The following DOK6 variants were observed in gnomAD, a reference collection of about 807,000 sequenced individuals.
The protein encoded by DOK6 is downstream of tyrosine kinase 6.
A neutral mutation model predicts 44.0 loss-of-function variants in DOK6; 22 were observed. The observed-to-expected ratio is 0.50, with a 90% CI of 0.36 to 0.71. The LOEUF (loss-of-function observed/expected upper bound fraction) is 0.71, where lower values mean the gene tolerates loss of function less well. Among genes scored for constraint, DOK6 ranks in the 30% least tolerant of loss-of-function variants. The pLI is 0.00. For missense variants in DOK6, 340 were observed against 416.4 expected (o/e 0.82, Z 1.60); for synonymous variants, 166 against 145.5 (o/e 1.14, Z -1.01).
intron 1 of DOK6, among the ~76,000 whole-genome samples, chr18:69,531,244 T>C (rs1981977468): frequency 6.8e-6 from 1 of 147,326 alleles, no homozygotes; most frequent in African/African-American, 2.5e-5. Flanking sequence ...TAAGTATATA[T>C]ATAATATATA....
At chr18:69,629,595 TA>T in intron 3 of DOK6, among the ~76,000 whole-genome samples, 1 of 152,206 alleles carries the variant, frequency 6.6e-6, no homozygotes, top group East Asian at 1.9e-4. Context: ...ACTGAGGAAC[TA>T]GTTAATAGAA....
In DOK6 at chr18:69,484,889, G is replaced by C. The variant is rs182381176; in HGVS notation, c.67-79598G>C. Among the ~76,000 whole-genome samples, 58 of 152,160 alleles carry C rather than the reference G, an allele frequency of 3.8e-4. 1 individual carries two copies. The highest frequency in any genetic ancestry group is 3.6e-3 in the Admixed American group (55 of 15,260). ...ATGTGGAAATCATGACTAATAAATA[G>C]AACTCTGGAAAAGACACTTGTTTAT... is the stretch of plus-strand genomic sequence containing the variant. On this transcript the variant is annotated intron_variant, in intron 1 of 7. Coordinates refer to ENST00000382713, the MANE Select transcript of DOK6 (RefSeq NM_152721.6).
intron 5 of DOK6, among the ~76,000 whole-genome samples, chr18:69,713,144 A>G (rs1047497360): frequency 1.3e-5 from 2 of 152,192 alleles, no homozygotes; most frequent in African/African-American, 2.4e-5. Flanking sequence ...ATCCCTAGCC[A>G]GTTGAATGAG....
intron 4 of DOK6, among the ~76,000 whole-genome samples, chr18:69,678,545 A>C: frequency 6.6e-6 from 1 of 152,312 alleles, no homozygotes; most frequent in Non-Finnish European, 1.5e-5. Flanking sequence ...ATTACAAGGA[A>C]GAAAGTAATG....
chr18:69,825,007 AC>A (rs1417811411), intron 7 of DOK6, among the ~76,000 whole-genome samples: 2 of 152,190 alleles, frequency 1.3e-5, no homozygotes, highest in Non-Finnish European at 2.9e-5. Context: ...ATGCTTATCT[AC>A]TTCCTTATTT....
chr18:69,840,525 C>T (rs1429547684), intron 7 of DOK6, among the ~76,000 whole-genome samples: 5 of 152,188 alleles, frequency 3.3e-5, no homozygotes, highest in South Asian at 2.1e-4. Context: ...CTTCTGTTTT[C>T]GGTTTGCGAT....
intron 2 of DOK6, among the ~76,000 whole-genome samples, chr18:69,590,415 GA>G (rs1400868376): frequency 6.6e-6 from 1 of 152,120 alleles, no homozygotes; most frequent in Non-Finnish European, 1.5e-5. Flanking sequence ...TAGTTTGATA[GA>G]AATATGCGAG....
intron 7 of DOK6, among the ~76,000 whole-genome samples, chr18:69,828,963 A>G (rs1465388753): frequency 6.9e-6 from 1 of 144,616 alleles, no homozygotes. Flanking sequence ...TTATAAATTA[A>G]CATTTGGGTA....
intron 1 of DOK6, among the ~76,000 whole-genome samples, chr18:69,443,002 T>TAAAA (rs1442916898): frequency 2.0e-4 from 31 of 152,210 alleles, no homozygotes; most frequent in Non-Finnish European, 3.8e-4. Flanking sequence ...GAATGTTGCT[T>TAAAA]CACACTCATT....
chr18:69,410,293 C>A (rs918750147), intron 1 of DOK6, among the ~76,000 whole-genome samples: 4 of 152,242 alleles, frequency 2.6e-5, no homozygotes, highest in African/African-American at 9.6e-5. Flanking sequence ...TCCGCCTGGG[C>A]GTTCCTCACT....
chr18:69,448,823 A>T lies in DOK6; in HGVS notation c.66+47513A>T, dbSNP rs1032471655. Among the ~76,000 whole-genome samples the T allele has an allele frequency of 4.6e-5, 7 of 152,252 alleles. No individual in the cohort carries two copies. In the East Asian group the frequency reaches 7.7e-4, roughly 17 times the overall value. On this transcript the variant is annotated intron_variant, in intron 1 of 7. Transcript: ENST00000382713. ...TGACATATTTACTATTTATTCTACC[A>T]ATACTGAGTGCCATGTATATATTTG...
chr18:69,822,168 C>T lies in DOK6; in HGVS notation c.857-19076C>T, dbSNP rs143380721. Among the ~76,000 whole-genome samples, 14 of 152,260 alleles carry T rather than the reference C, an allele frequency of 9.2e-5. No homozygotes were observed. The East Asian group carries it at 2.7e-3, about 29-fold the overall frequency. ...GGCACTGAAACTTAGCAGAGTCTTA[C>T]TGAATAATGGGTAAATGTCAGATCC... On this transcript the variant is annotated intron_variant, in intron 7 of 7. Transcript: ENST00000382713.
chr18:69,441,867 G>A (rs1162290107), intron 1 of DOK6, among the ~76,000 whole-genome samples: 1 of 152,068 alleles, frequency 6.6e-6, no homozygotes, highest in Non-Finnish European at 1.5e-5. Context: ...AATGCCTTAA[G>A]GAGGAGACAA....
At position 69,738,860 on chromosome 18, in the gene DOK6, G is replaced by A. The variant is rs574947143; in HGVS notation, c.600-105G>A. On this transcript the variant is annotated intron_variant, in intron 5 of 7. Coordinates refer to ENST00000382713, the MANE Select transcript of DOK6 (RefSeq NM_152721.6). ...AATCAGCCTCACTAACTCCTGTGGA[G>A]GTCAGGAGGAGGAGGCACAAGGGCA... 1.6e-5 allele frequency: 22 copies of A among 1,401,212 alleles called. No homozygotes were observed. In the South Asian group the frequency reaches 2.8e-4, roughly 18 times the overall value. 86.8% of individuals were successfully genotyped at this position (1,401,212 alleles called of 1,614,324 possible).
intron 1 of DOK6, among the ~76,000 whole-genome samples, chr18:69,496,790 C>T (rs147646051): frequency 2.6e-3 from 393 of 152,266 alleles, no homozygotes; most frequent in African/African-American, 8.8e-3. Flanking sequence ...TGCTTCCTCA[C>T]AGAATGTGAG....
chr18:69,782,963 C>A (rs911759317), intron 7 of DOK6, among the ~76,000 whole-genome samples: 3 of 152,160 alleles, frequency 2.0e-5, no homozygotes, highest in African/African-American at 7.2e-5. Context: ...AGCCCACGAA[C>A]TTTGGAAGAA....
At chr18:69,508,000 G>T (rs1291646626) in intron 1 of DOK6, among the ~76,000 whole-genome samples, 1 of 151,964 alleles carries the variant, frequency 6.6e-6, no homozygotes, top group Non-Finnish European at 1.5e-5. Context: ...GTTAATTATA[G>T]GTTTTTTATA....
chr18:69,471,673 C>T (rs1298514918), intron 1 of DOK6: 3 of 151,656 alleles, frequency 2.0e-5, no homozygotes, highest in Non-Finnish European at 4.4e-5. Context: ...TCAGGGAGAC[C>T]ATTTAAGATG....
chr18:69,760,388 T>G (rs550869615), intron 7 of DOK6, among the ~76,000 whole-genome samples: 1 of 152,112 alleles, frequency 6.6e-6, no homozygotes, highest in Non-Finnish European at 1.5e-5. Flanking sequence ...CCCAGCACTT[T>G]GAGAGTTTGA....
Sources: gnomAD v4.1 joint callset for allele counts (sites outside exome capture counted in the v4.1 genomes callset) on GRCh38, gnomAD v4.1.1 for gene constraint, MANE v1.5 for transcripts, NCBI Gene and HGNC (gene_info 2026-07-23, HGNC 2026-07-21) for gene names.